The following CPT1C variants were observed in gnomAD, a reference collection of about 807,000 sequenced individuals.
The protein encoded by CPT1C is palmitoyl thioesterase CPT1C.
Under a neutral mutation model 97.3 loss-of-function variants are expected in CPT1C, and 61 were observed. The ratio of observed to expected loss-of-function variants is 0.63; its 90% CI spans 0.51 to 0.78. CPT1C has a LOEUF of 0.78. Ranked by LOEUF, CPT1C falls within the 30% of genes least tolerant of loss-of-function variation. The pLI is 0.00. For synonymous variants in CPT1C, 469 were observed against 447.2 expected, an observed-to-expected ratio of 1.05 and a Z score of -0.61; for missense variants, 975 against 1,065.5, an observed-to-expected ratio of 0.92 and a Z score of 1.18.
rs183187350 is a variant in CPT1C, at chr19:49,692,227, T to C, written c.-14-12T>C. On this transcript the variant is annotated splice_polypyrimidine_tract_variant and intron_variant, in intron 2 of 19. Coordinates refer to ENST00000598293, the MANE Select transcript of CPT1C (RefSeq NM_001199753.2). ...GGGCTGGGGTCCTGAAGTATGACTC[T>C]GCCCGACTCAGGGCTCCAGCGTGAC... 2.0e-4 allele frequency: 316 copies of C among 1,611,882 alleles called. 1 individual carries two copies. The African/African-American group carries it at 3.7e-3, about 19-fold the overall frequency.
At chr19:49,702,630 A>G (rs77079419) in intron 7 of CPT1C, among the ~76,000 whole-genome samples, 18,523 of 150,974 alleles carry the variant, frequency 0.12, 1,436 homozygotes, top group Non-Finnish European at 0.17. Context: ...AAAAAAAAAA[A>G]AAGAAAAGAA....
chr19:49,701,702 T>G, intron 7 of CPT1C, 68 bp downstream of exon 7: 1 of 1,486,760 alleles, frequency 6.7e-7, no homozygotes, highest in South Asian at 1.3e-5. Context: ...CTGCTAAACT[T>G]GCGAGTTATA....
intron 14 of CPT1C, among the ~76,000 whole-genome samples, chr19:49,710,076 G>A (rs185125102): frequency 4.5e-4 from 69 of 152,080 alleles, no homozygotes; most frequent in African/African-American, 1.5e-3. Flanking sequence ...TCAAACTCCC[G>A]ACCTCAGGTG....
At chr19:49,704,630 T>A (rs983231780) in intron 7 of CPT1C, 80 bp from the exon 8 acceptor site, 16 of 1,094,538 alleles carry the variant, frequency 1.5e-5, no homozygotes, top group Non-Finnish European at 1.9e-5. Context: ...CGCAGGAGCA[T>A]CTGGGGCCTT....
At position 49,713,504 on chromosome 19, in the gene CPT1C, C is replaced by T. The variant is rs979726366; in HGVS notation, c.2311C>T (p.Arg771Trp). The T allele has an allele frequency of 2.7e-5, 43 of 1,614,196 alleles. No homozygotes were observed. The highest frequency in any genetic ancestry group is 3.2e-5 in the Non-Finnish European group (38 of 1,180,048). The change falls in exon 20 of 20, where the codon CGG becomes TGG. Residue 771 changes from arginine (R) to tryptophan (W), a missense_variant. By Grantham distance (101) the Arg-to-Trp change is moderately radical (BLOSUM62 -3). Around this residue, in one of 3 missense-constraint regions of CPT1C, gnomAD observed 344 missense variants for 395.7 expected, o/e 0.87. Coordinates refer to ENST00000598293, the MANE Select transcript of CPT1C (RefSeq NM_001199753.2). Reference sequence around the variant, plus strand: ...CCAGGCGGGACAGCATTTTAAGCGCCGGTTCAGAGGGTCAGGGAAGGAGAA... The same window carrying T: ...CCAGGCGGGACAGCATTTTAAGCGCTGGTTCAGAGGGTCAGGGAAGGAGAA... Reference protein sequence around the residue: ...LFQAGQHFKRRFRGSGKENSR... With the variant: ...LFQAGQHFKRWFRGSGKENSR...
rs2084061096 is a variant in CPT1C at position 49,713,554 on chromosome 19, C to T, written c.2361C>T (p.Leu787=). Residue 787 remains leucine (L), a synonymous_variant, in exon 20 of 20, where the codon CTC becomes CTT. Transcript: ENST00000598293. ...KENSRHRCGF[L]SRQTGASKAS... ...ACTCCAGGCACAGGTGTGGATTTCTCTCCCGCCAGACTGGGGCCTCCAAGG... is the reference window on the plus strand; with the variant it reads ...ACTCCAGGCACAGGTGTGGATTTCTTTCCCGCCAGACTGGGGCCTCCAAGG... 5 of 1,614,014 alleles carry T rather than the reference C, an allele frequency of 3.1e-6. No individual in the cohort carries two copies. Among genetic ancestry groups the T allele is most frequent in the Non-Finnish European group, 4.2e-6 (5 of 1,179,934 alleles).
chr19:49,702,095 A>ATT (rs2083181255), intron 7 of CPT1C, among the ~76,000 whole-genome samples: 1 of 116,900 alleles, frequency 8.6e-6, no homozygotes, highest in African/African-American at 3.4e-5. Context: ...ATATTTATTT[A>ATT]TAAATTATAA....
At chr19:49,697,130 C>T (rs1248333166) in intron 3 of CPT1C, among the ~76,000 whole-genome samples, 196 bp from the exon 4 acceptor site, 1 of 152,172 alleles carries the variant, frequency 6.6e-6, no homozygotes, top group East Asian at 1.9e-4. Flanking sequence ...ATTTCTTGCC[C>T]TATAGCAATT....
intron 4 of CPT1C, chr19:49,698,049 C>CAAA (rs748082031): frequency 1.0e-4 from 5 of 49,456 alleles, no homozygotes; most frequent in South Asian, 7.1e-4. Context: ...AACTCCATCT[C>CAAA]AAAAAAAAAA....
At chr19:49,694,627 TCA>T (rs2082554189) in intron 3 of CPT1C, among the ~76,000 whole-genome samples, 2 of 124,600 alleles carry the variant, frequency 1.6e-5, no homozygotes, top group African/African-American at 6.3e-5. Context: ...AGACTCCGTT[TCA>T]AAAAAAAAAA....
chr19:49,702,526 G>A (rs1412142537), intron 7 of CPT1C, among the ~76,000 whole-genome samples: 5 of 151,732 alleles, frequency 3.3e-5, no homozygotes, highest in African/African-American at 7.3e-5. Flanking sequence ...AGGCTGAGGC[G>A]GGAGGATTGC....
upstream of CPT1C, chr19:49,690,792 T>C (rs998023739): frequency 4.8e-5 from 15 of 312,536 alleles, no homozygotes; most frequent in African/African-American, 2.1e-4. This position sits in a 1 kb window ranked among gnomAD's most constrained non-coding sequence, Gnocchi z 4.4. Context: ...CCTCCCTCCC[T>C]GGCGTGAAAG....
chr19:49,710,013 G>A (rs1166041909), intron 14 of CPT1C, among the ~76,000 whole-genome samples: 1 of 150,958 alleles, frequency 6.6e-6, no homozygotes, highest in Non-Finnish European at 1.5e-5. Context: ...CGGCCAGCTA[G>A]TTTTTTGTAT....
chr19:49,692,217 A>G (rs777816670), intron 2 of CPT1C, 22 bp from the exon 3 acceptor site: 2 of 1,610,122 alleles, frequency 1.2e-6, no homozygotes, highest in Non-Finnish European at 1.7e-6. Context: ...GGGGTCCTGA[A>G]GTATGACTCT....
rs749349711 is a variant in CPT1C, at chr19:49,711,897, G to A, written c.1955G>A (p.Arg652His). 14 of 1,614,022 alleles carry A rather than the reference G, an allele frequency of 8.7e-6. No homozygotes were observed. The highest frequency in any genetic ancestry group is 2.2e-5 in the East Asian group (1 of 44,896). ...GCCATGAGCGGGCAGGGAGTTGACC[G>A]CCACCTGTTTGCGCTGTACATCGTG... Reference protein sequence around the residue: ...KAAMSGQGVDRHLFALYIVSR... With the variant: ...KAAMSGQGVDHHLFALYIVSR... Residue 652 changes from arginine (R) to histidine (H), a missense_variant, in exon 17 of 20, where the codon CGC becomes CAC. Around this residue, in one of 3 missense-constraint regions of CPT1C, gnomAD observed 344 missense variants for 395.7 expected, o/e 0.87. Coordinates refer to ENST00000598293, the MANE Select transcript of CPT1C (RefSeq NM_001199753.2).
chr19:49,694,487 G>T (rs2082545044), intron 3 of CPT1C, among the ~76,000 whole-genome samples: 1 of 151,892 alleles, frequency 6.6e-6, no homozygotes, highest in South Asian at 2.1e-4. Context: ...AAATTAGCCG[G>T]GTGTGGTGGC....
In CPT1C at chr19:49,706,333, C is replaced by G; in HGVS notation, c.1263C>G (p.Pro421=). ...TCTTTGTGTCACTGGATGCTGAGCC[C>G]GCGGGGCTCACCAGGGAGGACCCGG... is the stretch of plus-strand genomic sequence containing the variant. ...AAFFVSLDAE[P]AGLTREDPAA... is the part of the protein sequence containing the mutation. The change falls in exon 12 of 20, where the codon CCC becomes CCG. Residue 421 remains proline (P), a synonymous_variant. Coordinates refer to ENST00000598293, the MANE Select transcript of CPT1C (RefSeq NM_001199753.2). The surrounding 1 kb of genome is among the most constrained non-coding windows in gnomAD (Gnocchi z 4.8). The G allele has an allele frequency of 6.6e-7, 1 of 1,523,566 alleles. No individual in the cohort carries two copies. Among genetic ancestry groups the G allele is most frequent in the Middle Eastern group, 1.7e-4 (1 of 5,764 alleles). 94.4% of individuals were successfully genotyped at this position (1,523,566 alleles called of 1,614,324 possible). A position where few individuals can be genotyped will look rare whatever the true frequency, so the allele number is the denominator to read the frequency against.
intron 4 of CPT1C, among the ~76,000 whole-genome samples, chr19:49,699,059 C>T (rs1299537832): frequency 2.0e-5 from 3 of 151,504 alleles, no homozygotes; most frequent in Non-Finnish European, 2.9e-5. Context: ...GGCGAGATCA[C>T]GCCACTGCAC....
In CPT1C at chr19:49,712,155, C is replaced by G. The variant is rs554280049; in HGVS notation, c.2019+194C>G. 1.4e-5 allele frequency: 9 copies of G among 628,312 alleles called. No individual in the cohort carries two copies. The East Asian group carries it at 2.4e-4, about 17-fold the overall frequency. 38.9% of individuals were successfully genotyped at this position (628,312 alleles called of 1,614,324 possible). A position where few individuals can be genotyped will look rare whatever the true frequency, so the allele number is the denominator to read the frequency against. ...GTCAAGAGTTCGAGACCAGCCTGGC[C>G]AACTTGGCGAAACCCTGTCTCTACT... On this transcript the variant is annotated intron_variant, in intron 17 of 19. Transcript: ENST00000598293.
Sources: allele counts gnomAD v4.1 joint callset (sites outside exome capture counted in the v4.1 genomes callset), GRCh38; gene constraint gnomAD v4.1.1; regional missense constraint gnomAD v4.1.1; non-coding constraint Gnocchi (gnomAD v3.1); transcripts MANE v1.5; gene names NCBI Gene and HGNC (gene_info 2026-07-23, HGNC 2026-07-21).